MYO5C: variants seen among roughly 807,000 people sequenced by gnomAD.
MYO5C encodes the protein unconventional myosin-Vc.
In MYO5C, 194 loss-of-function variants were observed where a neutral mutation model predicts 235.7. That is an observed-to-expected ratio of 0.82 (90% CI 0.73 to 0.93). The LOEUF (loss-of-function observed/expected upper bound fraction) is 0.93, where lower values mean the gene tolerates loss of function less well. MYO5C is among the 40% of genes least tolerant of loss of function. The pLI, the probability that MYO5C is intolerant of heterozygous loss-of-function variation, is 0.00. For synonymous variants in MYO5C, 707 were observed against 754.8 expected, an observed-to-expected ratio of 0.94 and a Z score of 1.04; for missense variants, 2,038 against 2,127.2, an observed-to-expected ratio of 0.96 and a Z score of 0.82.
intron 32 of MYO5C, among the ~76,000 whole-genome samples, chr15:52,217,336 G>A (rs1370622211): frequency 3.9e-5 from 6 of 152,244 alleles, no homozygotes; most frequent in Non-Finnish European, 8.8e-5. Context: ...CCAGGACCGA[G>A]CTGTGCTCCA....
intron 8 of MYO5C, among the ~76,000 whole-genome samples, chr15:52,268,234 C>T (rs2036851915): frequency 6.6e-6 from 1 of 152,116 alleles, no homozygotes; most frequent in Non-Finnish European, 1.5e-5. Flanking sequence ...TAGTATGAAT[C>T]GGCGGGACAT....
intron 35 of MYO5C, among the ~76,000 whole-genome samples, 195 bp downstream of exon 35, chr15:52,211,535 C>A (rs1395426791): frequency 6.6e-6 from 1 of 152,176 alleles, no homozygotes; most frequent in East Asian, 1.9e-4. Context: ...GCCGGTAAGG[C>A]TTTGAGGCCT....
At chr15:52,245,630 C>A (rs760866138) in intron 17 of MYO5C, among the ~76,000 whole-genome samples, 165 bp from the exon 18 acceptor site, 26 of 152,158 alleles carry the variant, frequency 1.7e-4, no homozygotes, top group Non-Finnish European at 1.3e-4. Flanking sequence ...GGGACACTAC[C>A]AAGACCACCC....
chr15:52,223,148 CAAAAAA>C (rs59251560), intron 29 of MYO5C, among the ~76,000 whole-genome samples: 2 of 128,860 alleles, frequency 1.6e-5, no homozygotes, highest in Non-Finnish European at 1.6e-5. Context: ...GACTTCATCT[CAAAAAA>C]AAAAAAAAAA....
At chr15:52,295,251 G>A (rs1203253840) in intron 1 of MYO5C, among the ~76,000 whole-genome samples, 13 of 152,160 alleles carry the variant, frequency 8.5e-5, no homozygotes, top group Non-Finnish European at 2.9e-5. Flanking sequence ...GGGAGATGGG[G>A]ACGCACGCGC....
At chr15:52,260,755 C>T in intron 10 of MYO5C, 107 bp downstream of exon 10, 1 of 1,282,262 alleles carries the variant, frequency 7.8e-7, no homozygotes, top group Non-Finnish European at 1.1e-6. Context: ...AGAATGTTAT[C>T]TTTCTAATCA....
chr15:52,225,770 C>T (rs539158763), intron 25 of MYO5C, among the ~76,000 whole-genome samples: 1 of 152,282 alleles, frequency 6.6e-6, no homozygotes, highest in African/African-American at 2.4e-5. Flanking sequence ...CTTCCCTGGG[C>T]CAGGCATGGT....
rs774783739 is a variant in MYO5C at position 52,205,079 on chromosome 15, G to A, written c.4606C>T (p.Arg1536Cys). The A allele has an allele frequency of 6.2e-7, 1 of 1,614,200 alleles. No homozygotes were observed. The highest frequency in any genetic ancestry group is 8.5e-7 in the Non-Finnish European group (1 of 1,180,044). ...TCCGTGTCGTCTATGCTAGAGGAGC[G>A]CTTCCGGAAGCCTGTGGGCTTCAGG... Reference protein sequence around the residue: ...SGLKPTGFRKRSSSIDDTDGY... With the variant: ...SGLKPTGFRKCSSSIDDTDGY... Residue 1536 changes from arginine (R) to cysteine (C), a missense_variant, in exon 38 of 41, where the codon CGC becomes TGC. Transcript: ENST00000261839.
chr15:52,282,828 T>C lies in MYO5C; in HGVS notation c.92A>G (p.Tyr31Cys), dbSNP rs142096558. ...VWKSAEIAKD[Y>C]RVGDKVLRLL... ...TCGCAGGACCTTGTCACCAACTCTG[T>C]AGTCCTTGGCTATTTCAGCAGACTT... is the stretch of plus-strand genomic sequence containing the variant. The change falls in exon 2 of 41, where the codon TAC (tyrosine) becomes TGC (cysteine). Residue 31 changes from tyrosine (Y) to cysteine (C), a missense_variant. Transcript: ENST00000261839. The C allele has an allele frequency of 9.3e-6, 15 of 1,614,132 alleles. No individual in the cohort carries two copies. The African/African-American group carries it at 1.2e-4, about 13-fold the overall frequency.
rs182314928 is a variant in MYO5C at position 52,198,259 on chromosome 15, C to T, written c.4821-1776G>A. 5.1e-3 allele frequency among the ~76,000 whole-genome samples: 776 copies of T among 152,182 alleles called. 6 individuals carry two copies. The highest frequency in any genetic ancestry group is 0.018 in the African/African-American group (745 of 41,554). On this transcript the variant is annotated intron_variant, in intron 38 of 40. Transcript: ENST00000261839. ...CTGAGACAGGAGAATCACTTGAACC[C>T]GGGAGGCGGAGGTTGCAGTGACCTG...
At chr15:52,202,820 G>A (rs1596133286) in intron 38 of MYO5C, among the ~76,000 whole-genome samples, 1 of 152,036 alleles carries the variant, frequency 6.6e-6, no homozygotes, top group East Asian at 1.9e-4. Flanking sequence ...AAAGGTGTAA[G>A]GGATGCCTCT....
intron 17 of MYO5C, 95 bp from the exon 18 acceptor site, chr15:52,245,560 C>CG: frequency 1.2e-6 from 1 of 864,348 alleles, no homozygotes; most frequent in Non-Finnish European, 2.0e-6. Context: ...TGTCATAGGG[C>CG]GGGGGTGGTG....
At chr15:52,200,678 C>T (rs2035167180) in intron 38 of MYO5C, among the ~76,000 whole-genome samples, 1 of 152,030 alleles carries the variant, frequency 6.6e-6, no homozygotes, top group Non-Finnish European at 1.5e-5. Context: ...GATCTCAACT[C>T]ACATTAAACA....
Position 52,246,824 on chromosome 15 carries a change from G to T in MYO5C, c.1979+93C>A. On this transcript the variant is annotated intron_variant, in intron 16 of 40. Transcript: ENST00000261839. ...TCATTAAAAAAAAACCCAGAAACAG[G>T]GTAATCTCAAGACAATTGGAAGCAA... 6.1e-6 allele frequency: 6 copies of T among 976,634 alleles called. No individual in the cohort carries two copies. In the South Asian group the frequency reaches 9.3e-5, roughly 15 times the overall value. The allele number at this position is 976,634 out of a possible 1,614,324, so 60.5% of individuals were successfully genotyped here.
chr15:52,221,343 G>T, intron 29 of MYO5C, 88 bp from the exon 30 acceptor site: 3 of 925,206 alleles, frequency 3.2e-6, no homozygotes, highest in African/African-American at 1.7e-5. Flanking sequence ...CTATCTTGGT[G>T]TTCAGCCTGC....
At chr15:52,215,387 G>A (rs925762515) in intron 32 of MYO5C, among the ~76,000 whole-genome samples, 1 of 152,340 alleles carries the variant, frequency 6.6e-6, no homozygotes, top group African/African-American at 2.4e-5. Context: ...AGGACATAGT[G>A]TTTAAGTTCT....
chr15:52,294,329 T>C (rs768590642), intron 1 of MYO5C, among the ~76,000 whole-genome samples: 1 of 152,242 alleles, frequency 6.6e-6, no homozygotes, highest in Non-Finnish European at 1.5e-5. Context: ...GTTGGCTGTC[T>C]GAGGGCTCAC....
rs1205431892 is a variant in MYO5C, at chr15:52,282,731, C to A, written c.138+51G>T. The A allele has an allele frequency of 2.3e-6, 3 of 1,317,336 alleles. 1 individual carries two copies. The African/African-American group carries it at 4.3e-5, about 19-fold the overall frequency. The allele number at this position is 1,317,336 out of a possible 1,614,324, so 81.6% of individuals were successfully genotyped here. On this transcript the variant is annotated intron_variant, in intron 2 of 40. Coordinates refer to ENST00000261839, the MANE Select transcript of MYO5C (RefSeq NM_018728.4). The stretch of plus-strand genomic sequence containing the variant: ...ACGTGCTCCCATCCTTACACACACC[C>A]CAGCTACCGCTTTACACATCGACGT...
chr15:52,204,806 A>C (rs1222827174), intron 38 of MYO5C, 59 bp downstream of exon 38: 1 of 1,575,730 alleles, frequency 6.3e-7, no homozygotes, highest in African/African-American at 1.4e-5. Flanking sequence ...GGGGCCTCGG[A>C]CTTCAAGAGC....
Sources: allele counts gnomAD v4.1 joint callset (sites outside exome capture counted in the v4.1 genomes callset), GRCh38; gene constraint gnomAD v4.1.1; transcripts MANE v1.5; gene names NCBI Gene and HGNC (gene_info 2026-07-23, HGNC 2026-07-21).